BLK: variants seen among roughly 807,000 people sequenced by gnomAD.
BLK encodes the protein tyrosine-protein kinase Blk.
Under a neutral mutation model 61.8 loss-of-function variants are expected in BLK, and 64 were observed. The observed-to-expected ratio is 1.03, with a 90% CI of 0.85 to 1.27. The LOEUF (loss-of-function observed/expected upper bound fraction) is 1.27. Ranked by LOEUF, BLK falls within the 50% of genes most tolerant of loss-of-function variation. The pLI is 0.00. For missense variants in BLK, 853 were observed against 660.5 expected (o/e 1.29, Z -3.19); for synonymous variants, 351 against 272.0 (o/e 1.29, Z -2.86).
rs529275147 is a variant in BLK at position 11,531,060 on chromosome 8, A to C, written c.-1-12164A>C. 3.0e-4 allele frequency among the ~76,000 whole-genome samples: 46 copies of C among 152,214 alleles called. 2 individuals carry two copies. The South Asian group carries it at 9.5e-3, about 32-fold the overall frequency. On this transcript the variant is annotated intron_variant, in intron 1 of 12. Transcript: ENST00000259089. ...CTGGGTGGTTGTGTGGTGGCATTTC[A>C]CTGTGGTTTTAGTTGCCATTCCCCT... is the stretch of plus-strand genomic sequence containing the variant.
intron 1 of BLK, among the ~76,000 whole-genome samples, chr8:11,529,267 C>A (rs149919186): frequency 1.4e-3 from 206 of 152,182 alleles, no homozygotes; most frequent in African/African-American, 4.5e-3. Context: ...TGTGGAAGAC[C>A]GGAGTCTTAT....
chr8:11,551,495 A>G (rs1800901789), intron 6 of BLK, among the ~76,000 whole-genome samples: 1 of 152,212 alleles, frequency 6.6e-6, no homozygotes. Context: ...CTGTCTCCAC[A>G]TATAGCCACA....
intron 1 of BLK, among the ~76,000 whole-genome samples, chr8:11,496,829 G>C (rs116130024): frequency 2.0e-5 from 3 of 152,308 alleles, no homozygotes; most frequent in Admixed American, 2.0e-4. Context: ...AGCTGGGCTC[G>C]ACAGCCCTTC....
intron 1 of BLK, among the ~76,000 whole-genome samples, chr8:11,497,548 C>G (rs748821927): frequency 4.6e-5 from 7 of 152,198 alleles, no homozygotes; most frequent in Non-Finnish European, 1.0e-4. Context: ...AGGACAAGGA[C>G]ATGCCCTACA....
At chr8:11,548,915 C>A (rs971170765) in intron 4 of BLK, 109 bp from the exon 5 acceptor site, 4 of 981,084 alleles carry the variant, frequency 4.1e-6, no homozygotes, top group African/African-American at 1.6e-5. Context: ...TCTACCCCTG[C>A]GGATTCTCTG....
rs1204516450 is a variant in BLK at position 11,554,785 on chromosome 8, A to T, written c.515A>T (p.Glu172Val). The change falls in exon 7 of 13, where the codon GAG (glutamate) becomes GTG (valine). Residue 172 changes from glutamate (E) to valine (V), a missense_variant. By Grantham distance (121) the Glu-to-Val change is moderately radical. Transcript: ENST00000259089. ...LSVKDVTTQG[E>V]LIKHYKIRCL... The stretch of plus-strand genomic sequence containing the variant: ...GTGAAGGATGTCACCACCCAGGGGG[A>T]GCTGATCAAGCACTATAAGATCCGC... The T allele has an allele frequency of 1.9e-6, 3 of 1,613,506 alleles. No individual in the cohort carries two copies.
intron 12 of BLK, among the ~76,000 whole-genome samples, chr8:11,563,542 AGGCTCCG>A (rs998218576): frequency 3.9e-5 from 6 of 152,154 alleles, no homozygotes; most frequent in African/African-American, 1.4e-4. Context: ...ACAGGTGGGC[AGGCTCCG>A]GGTCACCTGC....
intron 1 of BLK, among the ~76,000 whole-genome samples, chr8:11,523,450 G>A (rs942889391): frequency 6.6e-6 from 1 of 152,164 alleles, no homozygotes; most frequent in Non-Finnish European, 1.5e-5. Context: ...TTACTAGGGA[G>A]GCTGAGGCAG....
chr8:11,496,657 G>A (rs1798369603), intron 1 of BLK, among the ~76,000 whole-genome samples: 1 of 152,204 alleles, frequency 6.6e-6, no homozygotes, highest in Non-Finnish European at 1.5e-5. Flanking sequence ...CCAAGCACAG[G>A]CCCAGCTACC....
intron 1 of BLK, among the ~76,000 whole-genome samples, chr8:11,529,241 C>T (rs997010007): frequency 2.0e-5 from 3 of 152,184 alleles, no homozygotes; most frequent in Non-Finnish European, 2.9e-5. Flanking sequence ...AAGAGTAATT[C>T]ACACAGAGCC....
intron 1 of BLK, among the ~76,000 whole-genome samples, chr8:11,499,009 G>C (rs1011713958): frequency 3.9e-5 from 6 of 152,198 alleles, no homozygotes; most frequent in Non-Finnish European, 8.8e-5. Context: ...GGAGAGCATG[G>C]TGTTGTTGTT....
intron 1 of BLK, among the ~76,000 whole-genome samples, chr8:11,525,534 A>G (rs1799620567): frequency 6.6e-6 from 1 of 152,194 alleles, no homozygotes; most frequent in Non-Finnish European, 1.5e-5. Flanking sequence ...TTTCTTTGCC[A>G]GTTCAGATCT....
At chr8:11,563,446 G>T (rs1406106550) in intron 12 of BLK, among the ~76,000 whole-genome samples, 1 of 152,216 alleles carries the variant, frequency 6.6e-6, no homozygotes, top group African/African-American at 2.4e-5. Flanking sequence ...ACCCATAGTG[G>T]ATTCCCCAAA....
At chr8:11,526,714 G>C (rs1799667807) in intron 1 of BLK, among the ~76,000 whole-genome samples, 1 of 152,112 alleles carries the variant, frequency 6.6e-6, no homozygotes, top group African/African-American at 2.4e-5. Context: ...GCAAGACTCT[G>C]TCTCAAAAAA....
intron 10 of BLK, among the ~76,000 whole-genome samples, chr8:11,559,544 TACAC>T (rs1291432870): frequency 1.3e-5 from 2 of 151,758 alleles, no homozygotes; most frequent in Non-Finnish European, 2.9e-5. Context: ...CACGCAAACT[TACAC>T]ACACATGAGC....
intron 1 of BLK, among the ~76,000 whole-genome samples, chr8:11,534,014 G>C (rs1211621552): frequency 6.6e-6 from 1 of 152,170 alleles, no homozygotes; most frequent in Non-Finnish European, 1.5e-5. Flanking sequence ...TTGAAGAAAG[G>C]GTCTCCATGA....
intron 1 of BLK, among the ~76,000 whole-genome samples, chr8:11,503,621 T>C (rs1798648715): frequency 6.6e-6 from 1 of 152,222 alleles, no homozygotes; most frequent in Non-Finnish European, 1.5e-5. Context: ...GGGATCTGTG[T>C]GCTGTCTGAA....
At chr8:11,555,783 G>A (rs867796559) in intron 8 of BLK, 1 of 469,126 alleles carries the variant, frequency 2.1e-6, no homozygotes, top group East Asian at 4.4e-5. Context: ...GAGCTGCAGC[G>A]GCGCGTTAAC....
chr8:11,518,256 A>T (rs1049719060), intron 1 of BLK, among the ~76,000 whole-genome samples: 1 of 152,226 alleles, frequency 6.6e-6, no homozygotes, highest in East Asian at 1.9e-4. Context: ...ACGAAGCACC[A>T]GATGGATTGC....
Sources: gnomAD v4.1 joint callset for allele counts (sites outside exome capture counted in the v4.1 genomes callset) on GRCh38, gnomAD v4.1.1 for gene constraint, MANE v1.5 for transcripts, NCBI Gene and HGNC (gene_info 2026-07-23, HGNC 2026-07-21) for gene names.